The following ASH2L variants were observed in gnomAD, a reference collection of about 807,000 sequenced individuals.
ASH2L encodes set1/Ash2 histone methyltransferase complex subunit ASH2.
ASH2L carries 30 observed loss-of-function variants against 81.1 expected under a neutral mutation model. The ratio of observed to expected loss-of-function variants is 0.37; its 90% CI spans 0.28 to 0.50. The LOEUF is 0.50. ASH2L is among the 20% of genes least tolerant of loss of function. The pLI is 0.95. For synonymous variants in ASH2L, 273 were observed against 279.9 expected, an observed-to-expected ratio of 0.98 and a Z score of 0.24; for missense variants, 559 against 792.1, an observed-to-expected ratio of 0.71 and a Z score of 3.53.
intron 12 of ASH2L, among the ~76,000 whole-genome samples, chr8:38,129,420 C>A (rs1292024025): frequency 6.6e-6 from 1 of 152,076 alleles, no homozygotes; most frequent in Non-Finnish European, 1.5e-5. Flanking sequence ...TGCTTGAGCC[C>A]ACGAGTTCAA....
At position 38,110,370 on chromosome 8, in the gene ASH2L, C is replaced by T. The variant is rs1386075303; in HGVS notation, c.402-9C>T. The T allele has an allele frequency of 6.2e-7, 1 of 1,612,290 alleles. No individual in the cohort carries two copies. The highest frequency in any genetic ancestry group is 1.3e-5 in the African/African-American group (1 of 75,022). ...GTTCACTAATTCGTATAATTTGGCT[C>T]TTCGGCAGATCCTGTCTACCTTTCA... On this transcript the variant is annotated splice_polypyrimidine_tract_variant and intron_variant, in intron 3 of 15. Coordinates refer to ENST00000343823, the MANE Select transcript of ASH2L (RefSeq NM_004674.5).
chr8:38,139,155 C>G lies in ASH2L; in HGVS notation c.*84C>G, dbSNP rs1585618896. The G allele has an allele frequency of 9.2e-7, 1 of 1,084,882 alleles. No homozygotes were observed. Among genetic ancestry groups the G allele is most frequent in the African/African-American group, 1.6e-5 (1 of 63,044 alleles). 67.2% of individuals were successfully genotyped at this position (1,084,882 alleles called of 1,614,324 possible). A position where few individuals can be genotyped will look rare whatever the true frequency, so the allele number is the denominator to read the frequency against. ...GTTTTTGAACTGTCTCAAATGTTCT[C>G]CCAAAGATGCTAAAAACACAGCCTC... On this transcript the variant is annotated 3_prime_UTR_variant, in exon 16 of 16. Coordinates refer to ENST00000343823, the MANE Select transcript of ASH2L (RefSeq NM_004674.5).
chr8:38,106,089 G>A, intron 1 of ASH2L: 1 of 1,524,772 alleles, frequency 6.6e-7, no homozygotes, highest in Non-Finnish European at 8.8e-7. Flanking sequence ...TGAAAACAGG[G>A]TGGGAGAGCT....
chr8:38,109,302 T>C (rs1341373851), intron 3 of ASH2L, among the ~76,000 whole-genome samples: 1 of 152,218 alleles, frequency 6.6e-6, no homozygotes, highest in Admixed American at 6.5e-5. Context: ...TACAGAGAAG[T>C]GAAGGTAAGG....
intron 12 of ASH2L, among the ~76,000 whole-genome samples, chr8:38,130,749 C>T (rs1285488345): frequency 1.3e-5 from 2 of 152,114 alleles, no homozygotes; most frequent in African/African-American, 4.8e-5. Context: ...CAGGCACCCG[C>T]CACCACACCC....
intron 11 of ASH2L, 129 bp downstream of exon 11, chr8:38,128,587 C>A (rs755659221): frequency 1.4e-6 from 2 of 1,459,862 alleles, no homozygotes; most frequent in Non-Finnish European, 1.8e-6. Flanking sequence ...GAGGGTTGAG[C>A]TGGTTTGCTA....
Position 38,105,617 on chromosome 8 carries a change from A to T in ASH2L, c.67A>T (p.Asn23Tyr). Residue 23 changes from asparagine (N) to tyrosine (Y), a missense_variant, in exon 1 of 16, where the codon AAT (asparagine) becomes TAT (tyrosine). Around this residue, in one of 4 missense-constraint regions of ASH2L, gnomAD observed 145 missense variants for 115.5 expected, o/e 1.26. Transcript: ENST00000343823. ...CGGGCCTGGCCCAGGAGCGGTCGCA[A>T]ATGCAACAGGGGCAGAAGAGGGGGA... ...GAGPGPGAVA[N>Y]ATGAEEGEMK... 1 of 1,605,620 alleles carries T rather than the reference A, an allele frequency of 6.2e-7. No homozygotes were observed. Among genetic ancestry groups the T allele is most frequent in the East Asian group, 2.2e-5 (1 of 44,456 alleles).
In ASH2L at chr8:38,135,750, T is replaced by C; in HGVS notation, c.1703T>C (p.Leu568Pro). The C allele has an allele frequency of 1.2e-6, 2 of 1,612,796 alleles. No homozygotes were observed. The highest frequency in any genetic ancestry group is 1.7e-6 in the Non-Finnish European group (2 of 1,179,216). ...FEGVYFPAISLYKSCTVSINF... is the reference protein window; with the variant it reads ...FEGVYFPAISPYKSCTVSINF... ...GGGGTTTACTTCCCAGCCATCTCAC[T>C]GTACAAGAGCTGCACGGTACGTACA... The change falls in exon 14 of 16, where the codon CTG (leucine) becomes CCG (proline). Residue 568 changes from leucine to proline, a missense_variant. By Grantham distance (98) the Leu-to-Pro change is moderately conservative. Around this residue, in one of 4 missense-constraint regions of ASH2L, gnomAD observed 95 missense variants for 130.7 expected, o/e 0.73. Transcript: ENST00000343823.
chr8:38,112,129 C>T (rs920058785), intron 5 of ASH2L, among the ~76,000 whole-genome samples: 1 of 152,170 alleles, frequency 6.6e-6, no homozygotes, highest in Non-Finnish European at 1.5e-5. Flanking sequence ...ACCTCAGCCT[C>T]CCGAGTAGCT....
rs558632245 is a variant in ASH2L at position 38,117,342 on chromosome 8, A to G, written c.853+617A>G. The G allele has an allele frequency of 1.4e-4, 75 of 533,514 alleles. 1 individual carries two copies. In the African/African-American group the frequency reaches 1.4e-3, roughly 10 times the overall value. 33.0% of individuals were successfully genotyped at this position (533,514 alleles called of 1,614,324 possible). On this transcript the variant is annotated intron_variant, in intron 8 of 15. Transcript: ENST00000343823. ...TATCTGATCATTTCTACTGTTACTAATATTTTAAGGTGGGTTGGAAATAGC... is the reference window on the plus strand; with the variant it reads ...TATCTGATCATTTCTACTGTTACTAGTATTTTAAGGTGGGTTGGAAATAGC...
chr8:38,121,103 C>T lies in ASH2L; in HGVS notation c.1119C>T (p.Tyr373=), dbSNP rs1317607308. The change falls in exon 10 of 16, where the codon TAC becomes TAT. Residue 373 remains tyrosine (Y), a synonymous_variant. Coordinates refer to ENST00000343823, the MANE Select transcript of ASH2L (RefSeq NM_004674.5). ...WAGKPIPGDL[Y]RACLYERVLL... ...GAAAACCTATTCCTGGAGACCTCTACAGAGCCTGCTTGTATGAACGGGTTT... is the reference window on the plus strand; with the variant it reads ...GAAAACCTATTCCTGGAGACCTCTATAGAGCCTGCTTGTATGAACGGGTTT... The T allele has an allele frequency of 6.2e-7, 1 of 1,613,596 alleles. No homozygotes were observed. Among genetic ancestry groups the T allele is most frequent in the Admixed American group, 1.7e-5 (1 of 59,946 alleles).
At chr8:38,108,571 G>A (rs1485836250) in intron 3 of ASH2L, among the ~76,000 whole-genome samples, 2 of 151,262 alleles carry the variant, frequency 1.3e-5, no homozygotes, top group Non-Finnish European at 2.9e-5. Context: ...TGTAATCCCA[G>A]CACTTTGGGA....
chr8:38,105,503 C>A (rs1457861159), upstream of ASH2L: 5 of 1,484,586 alleles, frequency 3.4e-6, no homozygotes, highest in Admixed American at 5.0e-5. Flanking sequence ...CACAGCAACG[C>A]GCGCGAGAGA....
intron 12 of ASH2L, among the ~76,000 whole-genome samples, chr8:38,129,331 C>T (rs1801968145): frequency 6.6e-6 from 1 of 152,122 alleles, no homozygotes; most frequent in Admixed American, 6.5e-5. Flanking sequence ...TTGACCTAAA[C>T]TGTTGAAATG....
chr8:38,114,436 T>C (rs961942890), intron 6 of ASH2L, 149 bp downstream of exon 6: 4 of 604,688 alleles, frequency 6.6e-6, no homozygotes, highest in Non-Finnish European at 1.1e-5. Flanking sequence ...TTGTGAATTT[T>C]AGTAGTTTTC....
rs144288910 is a variant in ASH2L, at chr8:38,111,025, C to T, written c.585+192C>T. ...TCTCAGCTCAGTGCACCCTCTGCCT[C>T]CTGGGTCCCAGAGATTCTCCTGCCT... is the stretch of plus-strand genomic sequence containing the variant. On this transcript the variant is annotated intron_variant, in intron 5 of 15. Transcript: ENST00000343823. Among the ~76,000 whole-genome samples the T allele has an allele frequency of 2.8e-3, 432 of 152,318 alleles. 2 individuals carry two copies. The highest frequency in any genetic ancestry group is 1.0e-2 in the African/African-American group (415 of 41,564).
At chr8:38,132,736 T>C (rs530420415) in intron 12 of ASH2L, among the ~76,000 whole-genome samples, 3 of 151,560 alleles carry the variant, frequency 2.0e-5, no homozygotes, top group African/African-American at 7.3e-5. Context: ...CAGGCCAAGA[T>C]TGCAGTGAGC....
chr8:38,125,432 CCAT>C (rs1801798380), intron 10 of ASH2L, among the ~76,000 whole-genome samples: 2 of 151,548 alleles, frequency 1.3e-5, no homozygotes, highest in Non-Finnish European at 2.9e-5. Flanking sequence ...ACCAGCCTGA[CCAT>C]CATGAAGAAA....
At chr8:38,111,341 G>A (rs1016377588) in intron 5 of ASH2L, among the ~76,000 whole-genome samples, 8 of 152,060 alleles carry the variant, frequency 5.3e-5, no homozygotes, top group Admixed American at 2.6e-4. Flanking sequence ...TGCCTTCCTC[G>A]GCCTCTCAAA....
Sources: allele counts gnomAD v4.1 joint callset (sites outside exome capture counted in the v4.1 genomes callset), GRCh38; gene constraint gnomAD v4.1.1; regional missense constraint gnomAD v4.1.1; transcripts MANE v1.5; gene names NCBI Gene and HGNC (gene_info 2026-07-23, HGNC 2026-07-21).